CHSY1: variants seen among roughly 807,000 people sequenced by gnomAD.
CHSY1 encodes chondroitin sulfate synthase 1.
In CHSY1, 13 loss-of-function variants were observed where a neutral mutation model predicts 59.8. That is an observed-to-expected ratio of 0.22 (90% CI 0.14 to 0.35). The LOEUF (loss-of-function observed/expected upper bound fraction) is 0.35, where lower values mean the gene tolerates loss of function less well. Among genes scored for constraint, CHSY1 ranks in the 10% least tolerant of loss-of-function variants. The pLI is 1.00. For missense variants in CHSY1, 947 were observed against 1,030.6 expected (o/e 0.92, Z 1.11); for synonymous variants, 459 against 401.2 (o/e 1.14, Z -1.72).
intron 2 of CHSY1, among the ~76,000 whole-genome samples, chr15:101,221,218 G>A (rs533425564): frequency 1.1e-4 from 17 of 152,344 alleles, no homozygotes; most frequent in Admixed American, 4.6e-4. Flanking sequence ...AACAGGCCGG[G>A]TGCGGTGGCT....
chr15:101,213,869 A>G (rs9944228), intron 2 of CHSY1, among the ~76,000 whole-genome samples: 58,902 of 152,158 alleles, frequency 0.39, 14,492 homozygotes, highest in African/African-American at 0.71. Context: ...TTACTCAATC[A>G]TACCTGAAAA....
intron 1 of CHSY1, among the ~76,000 whole-genome samples, chr15:101,236,186 A>C (rs2141276019): frequency 6.6e-6 from 1 of 152,348 alleles, no homozygotes; most frequent in South Asian, 2.1e-4. Flanking sequence ...CAGGGTAAAC[A>C]TCAAGGAATG....
intron 2 of CHSY1, among the ~76,000 whole-genome samples, chr15:101,197,879 G>A (rs189959999): frequency 3.9e-5 from 6 of 152,178 alleles, no homozygotes; most frequent in South Asian, 2.1e-4. Flanking sequence ...TAAGAATTCC[G>A]CGAGTGGTAT....
chr15:101,238,460 G>A (rs777302400), intron 1 of CHSY1, among the ~76,000 whole-genome samples: 2 of 152,102 alleles, frequency 1.3e-5, no homozygotes, highest in African/African-American at 4.8e-5. Context: ...CTGCCAACAC[G>A]CCTCTCAAAA....
At chr15:101,193,997 T>G (rs749923335) in intron 2 of CHSY1, among the ~76,000 whole-genome samples, 1 of 152,236 alleles carries the variant, frequency 6.6e-6, no homozygotes, top group East Asian at 1.9e-4. Flanking sequence ...TCTTCCTCCA[T>G]GTGCTCAGGG....
At chr15:101,192,475 C>T (rs2038456769) in intron 2 of CHSY1, among the ~76,000 whole-genome samples, 1 of 152,066 alleles carries the variant, frequency 6.6e-6, no homozygotes, top group African/African-American at 2.4e-5. Context: ...GGGTCTGGGG[C>T]AGACCAGCCA....
intron 2 of CHSY1, among the ~76,000 whole-genome samples, chr15:101,206,313 C>A (rs2038626333): frequency 6.6e-6 from 1 of 152,076 alleles, no homozygotes; most frequent in African/African-American, 2.4e-5. Context: ...GGAGAACCAA[C>A]GACCAGGTAT....
At chr15:101,232,812 G>C (rs989176932) in intron 2 of CHSY1, among the ~76,000 whole-genome samples, 1 of 152,192 alleles carries the variant, frequency 6.6e-6, no homozygotes, top group Non-Finnish European at 1.5e-5. Context: ...TCACAGAAGA[G>C]AAAAAGAGAG....
At chr15:101,183,399 C>T (rs1323592744) in intron 2 of CHSY1, among the ~76,000 whole-genome samples, 2 of 152,110 alleles carry the variant, frequency 1.3e-5, no homozygotes, top group Admixed American at 6.6e-5. Flanking sequence ...GAAATGGCAC[C>T]GGACACAGAT....
At chr15:101,216,241 C>T (rs890124693) in intron 2 of CHSY1, among the ~76,000 whole-genome samples, 5 of 152,220 alleles carry the variant, frequency 3.3e-5, no homozygotes, top group African/African-American at 1.2e-4. Flanking sequence ...ACACTGATAA[C>T]ACCCAGTCCT....
chr15:101,236,927 G>A (rs969485765), intron 1 of CHSY1, among the ~76,000 whole-genome samples: 2 of 151,728 alleles, frequency 1.3e-5, no homozygotes, highest in Non-Finnish European at 2.9e-5. Context: ...GACTAATATA[G>A]AGGCAAATGT....
chr15:101,188,036 A>G, intron 2 of CHSY1: 6 of 985,470 alleles, frequency 6.1e-6, no homozygotes, highest in Non-Finnish European at 7.2e-6. Flanking sequence ...GTCCGCTGCA[A>G]GGAGAGCCAA....
chr15:101,231,851 T>C (rs964524370), intron 2 of CHSY1, among the ~76,000 whole-genome samples: 9 of 152,226 alleles, frequency 5.9e-5, no homozygotes, highest in Non-Finnish European at 1.3e-4. Flanking sequence ...AAATTTTCAA[T>C]AATAATTCTC....
At chr15:101,219,496 C>A (rs897567075) in intron 2 of CHSY1, among the ~76,000 whole-genome samples, 22 of 152,192 alleles carry the variant, frequency 1.4e-4, no homozygotes, top group African/African-American at 5.3e-4. Context: ...ACAAATCATA[C>A]ATTTTTAAAT....
chr15:101,205,546 A>T (rs1440505965), intron 2 of CHSY1, among the ~76,000 whole-genome samples: 4 of 152,228 alleles, frequency 2.6e-5, no homozygotes, highest in Non-Finnish European at 5.9e-5. Context: ...GAGTACTGTG[A>T]TCACAAAACT....
intron 2 of CHSY1, among the ~76,000 whole-genome samples, chr15:101,196,895 A>G (rs1315107714): frequency 1.3e-5 from 2 of 152,226 alleles, no homozygotes; most frequent in African/African-American, 4.8e-5. Context: ...AAACCCTTCA[A>G]TATACCACAT....
At chr15:101,225,809 C>T (rs928278426) in intron 2 of CHSY1, among the ~76,000 whole-genome samples, 3 of 152,148 alleles carry the variant, frequency 2.0e-5, no homozygotes, top group Admixed American at 6.5e-5. Context: ...GACTAACACG[C>T]CAGTTCTATT....
At chr15:101,212,483 CAG>C (rs1014221078) in intron 2 of CHSY1, among the ~76,000 whole-genome samples, 2 of 152,180 alleles carry the variant, frequency 1.3e-5, no homozygotes, top group African/African-American at 4.8e-5. Flanking sequence ...GGATGAGCCT[CAG>C]AAACATGCTC....
chr15:101,201,018 G>T (rs1340358083), intron 2 of CHSY1, among the ~76,000 whole-genome samples: 2 of 151,980 alleles, frequency 1.3e-5, no homozygotes, highest in African/African-American at 4.8e-5. Flanking sequence ...GCCAGGGTCT[G>T]TGGGAGCCTG....
Sources: gnomAD v4.1 joint callset for allele counts (sites outside exome capture counted in the v4.1 genomes callset) on GRCh38, gnomAD v4.1.1 for gene constraint, MANE v1.5 for transcripts, NCBI Gene and HGNC (gene_info 2026-07-23, HGNC 2026-07-21) for gene names.